The following MAN2A1 variants were observed in gnomAD, a reference collection of about 807,000 sequenced individuals.
MAN2A1 encodes alpha-mannosidase 2.
MAN2A1 carries 76 observed loss-of-function variants against 142.6 expected under a neutral mutation model. The observed-to-expected ratio is 0.53, with a 90% CI of 0.44 to 0.65. The LOEUF (loss-of-function observed/expected upper bound fraction) is 0.65, where lower values mean the gene tolerates loss of function less well. MAN2A1 is among the 30% of genes least tolerant of loss of function. MAN2A1 has a pLI of 0.00. For synonymous variants in MAN2A1, 559 were observed against 473.2 expected (o/e 1.18, Z -2.35); for missense variants, 1,311 against 1,365.1 (o/e 0.96, Z 0.62).
rs939282301 is a variant in MAN2A1 at position 109,777,896 on chromosome 5, C to T, written c.1374+2931C>T. Among the ~76,000 whole-genome samples, 13 of 152,194 alleles carry T rather than the reference C, an allele frequency of 8.5e-5. No homozygotes were observed. The South Asian group carries it at 1.9e-3, about 22-fold the overall frequency. On this transcript the variant is annotated intron_variant, in intron 8 of 21. Transcript: ENST00000261483. ...GTGTGTGGGTCTGTGTCTACACTCTCTATTCACTTTTATTGGTCTGTTTGA... is the reference window on the plus strand; with the variant it reads ...GTGTGTGGGTCTGTGTCTACACTCTTTATTCACTTTTATTGGTCTGTTTGA...
chr5:109,801,260 G>C (rs77569068), intron 12 of MAN2A1, among the ~76,000 whole-genome samples: 4,011 of 152,256 alleles, frequency 0.026, 76 homozygotes, highest in Non-Finnish European at 0.04. Context: ...GTGAACTCAG[G>C]ATGGTTCCTG....
intron 10 of MAN2A1, among the ~76,000 whole-genome samples, chr5:109,785,299 G>T (rs867200356): frequency 1.3e-5 from 2 of 151,428 alleles, no homozygotes; most frequent in South Asian, 4.2e-4. Flanking sequence ...CTACTTCATT[G>T]TATGTCAGTT....
intron 5 of MAN2A1, among the ~76,000 whole-genome samples, chr5:109,759,946 G>T (rs1752792897): frequency 2.0e-5 from 1 of 48,840 alleles, no homozygotes; most frequent in African/African-American, 2.4e-4. Flanking sequence ...TTGAATTGTT[G>T]CTATATATAT....
chr5:109,833,521 C>A (rs1580300453), intron 16 of MAN2A1, among the ~76,000 whole-genome samples: 1 of 152,078 alleles, frequency 6.6e-6, no homozygotes, highest in South Asian at 2.1e-4. Flanking sequence ...AATCCGAAAA[C>A]CAGTCAGGCG....
intron 4 of MAN2A1, among the ~76,000 whole-genome samples, chr5:109,742,661 G>T (rs1752300832): frequency 6.6e-6 from 1 of 152,118 alleles, no homozygotes; most frequent in South Asian, 2.1e-4. Context: ...TGGATTTTAT[G>T]GTATTTAACT....
chr5:109,727,878 T>A (rs1751789738), intron 3 of MAN2A1, among the ~76,000 whole-genome samples: 1 of 152,148 alleles, frequency 6.6e-6, no homozygotes, highest in East Asian at 1.9e-4. Flanking sequence ...AGTACTTTGG[T>A]GAAGCTAGGT....
chr5:109,732,800 G>A (rs1751956309), intron 4 of MAN2A1, among the ~76,000 whole-genome samples: 1 of 151,976 alleles, frequency 6.6e-6, no homozygotes, highest in African/African-American at 2.4e-5. Flanking sequence ...GTAGTGTGAT[G>A]CCTCCAGCTT....
chr5:109,720,896 T>G (rs1751584395), intron 3 of MAN2A1, among the ~76,000 whole-genome samples: 1 of 152,176 alleles, frequency 6.6e-6, no homozygotes, highest in Admixed American at 6.5e-5. Flanking sequence ...GAACACTGTT[T>G]GGAGAGTACT....
chr5:109,775,523 C>G (rs1293216563), intron 8 of MAN2A1, among the ~76,000 whole-genome samples: 1 of 149,916 alleles, frequency 6.7e-6, no homozygotes, highest in Non-Finnish European at 1.5e-5. Context: ...CTGTAAAGTT[C>G]TGAAAATAGC....
chr5:109,797,176 TA>T (rs1753885421), intron 12 of MAN2A1, among the ~76,000 whole-genome samples: 2 of 151,994 alleles, frequency 1.3e-5, no homozygotes, highest in African/African-American at 4.8e-5. Flanking sequence ...ACAGACTGAT[TA>T]AAAAATAGGG....
chr5:109,784,498 G>T (rs1391393896), intron 9 of MAN2A1, among the ~76,000 whole-genome samples: 1 of 152,044 alleles, frequency 6.6e-6, no homozygotes, highest in Admixed American at 6.6e-5. Flanking sequence ...TCTTTTTCAG[G>T]ATCATCTAGA....
chr5:109,716,926 A>G (rs1751471008), intron 3 of MAN2A1, among the ~76,000 whole-genome samples: 2 of 152,140 alleles, frequency 1.3e-5, no homozygotes, highest in Non-Finnish European at 2.9e-5. Flanking sequence ...TATTGGGACC[A>G]CAGATTCCTC....
At chr5:109,821,460 G>A (rs1218964273) in intron 15 of MAN2A1, among the ~76,000 whole-genome samples, 2 of 152,094 alleles carry the variant, frequency 1.3e-5, no homozygotes, top group African/African-American at 4.8e-5. Flanking sequence ...TTTTGTATCA[G>A]TGTCTGAAGT....
intron 1 of MAN2A1, among the ~76,000 whole-genome samples, chr5:109,690,760 T>TGCGGCG (rs888676063): frequency 6.6e-6 from 1 of 151,880 alleles, no homozygotes; most frequent in Non-Finnish European, 1.5e-5. Context: ...CTGGGCGGCG[T>TGCGGCG]GCGGCGGCGG....
chr5:109,690,654 C>T, intron 1 of MAN2A1, 102 bp downstream of exon 1: 1 of 1,350,482 alleles, frequency 7.4e-7, no homozygotes, highest in Non-Finnish European at 1.0e-6. Context: ...CGGCCCCACA[C>T]CCGTGCTGGG....
intron 1 of MAN2A1, among the ~76,000 whole-genome samples, chr5:109,706,667 G>A (rs1402457995): frequency 6.6e-6 from 1 of 152,084 alleles, no homozygotes; most frequent in African/African-American, 2.4e-5. Flanking sequence ...TACATGGTGG[G>A]CACATTTGAT....
intron 5 of MAN2A1, among the ~76,000 whole-genome samples, chr5:109,755,999 C>A (rs1345681886): frequency 6.6e-6 from 1 of 151,874 alleles, no homozygotes; most frequent in African/African-American, 2.4e-5. Context: ...CAGGAATTCT[C>A]TTTAATACTT....
chr5:109,822,056 CCTG>C (rs1177911497), intron 15 of MAN2A1, among the ~76,000 whole-genome samples: 2 of 151,682 alleles, frequency 1.3e-5, no homozygotes, highest in East Asian at 1.9e-4. Flanking sequence ...AGTTATGAAA[CCTG>C]CTAACTAAAA....
At chr5:109,703,713 A>C (rs111241374) in intron 1 of MAN2A1, among the ~76,000 whole-genome samples, 1 of 152,258 alleles carries the variant, frequency 6.6e-6, no homozygotes, top group African/African-American at 2.4e-5. Flanking sequence ...ACTTAATTGC[A>C]GTTATTAAAT....
Sources: allele counts gnomAD v4.1 joint callset (sites outside exome capture counted in the v4.1 genomes callset), GRCh38; gene constraint gnomAD v4.1.1; transcripts MANE v1.5; gene names NCBI Gene and HGNC (gene_info 2026-07-23, HGNC 2026-07-21).